Variants in NNMT observed in about 807,000 individuals in gnomAD.
NNMT encodes nicotinamide N-methyltransferase.
A neutral mutation model predicts 11.7 loss-of-function variants in NNMT; 10 were observed. That is an observed-to-expected ratio of 0.85 (90% confidence interval 0.53 to 1.45). The LOEUF (loss-of-function observed/expected upper bound fraction) is 1.45, where lower values mean the gene tolerates loss of function less well. Among genes scored for constraint, NNMT ranks in the 40% most tolerant of loss-of-function variants. The pLI, the probability that NNMT is intolerant of heterozygous loss-of-function variation, is 0.00. For missense variants in NNMT, 381 were observed against 319.4 expected (o/e 1.19, Z -1.47); for synonymous variants, 143 against 133.8 (o/e 1.07, Z -0.48).
upstream of NNMT, among the ~76,000 whole-genome samples, chr11:114,294,783 G>A (rs1452897139): frequency 6.6e-6 from 1 of 151,774 alleles, no homozygotes; most frequent in Non-Finnish European, 1.5e-5. Flanking sequence ...AAAAAAAAGA[G>A]AGGGAGAAAA....
intron 2 of NNMT, among the ~76,000 whole-genome samples, chr11:114,310,015 T>C (rs969986298): frequency 6.6e-6 from 1 of 152,256 alleles, no homozygotes; most frequent in South Asian, 2.1e-4. Context: ...ACATTTTATT[T>C]ACCTATTCAG....
At chr11:114,305,952 T>C (rs1945488343) in intron 2 of NNMT, among the ~76,000 whole-genome samples, 1 of 152,190 alleles carries the variant, frequency 6.6e-6, no homozygotes, top group Non-Finnish European at 1.5e-5. Flanking sequence ...TGAACTAGTT[T>C]ACAGTCCCAC....
At chr11:114,303,130 C>T (rs1945454994) in intron 2 of NNMT, among the ~76,000 whole-genome samples, 1 of 152,166 alleles carries the variant, frequency 6.6e-6, no homozygotes, top group South Asian at 2.1e-4. Flanking sequence ...TATCTTTCTT[C>T]TCTAGTGTTT....
At chr11:114,281,130 C>G (rs993413571) in intron 2 of NNMT, among the ~76,000 whole-genome samples, 11 of 152,184 alleles carry the variant, frequency 7.2e-5, no homozygotes, top group Non-Finnish European at 1.5e-4. Flanking sequence ...TAGCTGGCCT[C>G]TGGAGGAGAA....
intron 2 of NNMT, among the ~76,000 whole-genome samples, chr11:114,288,872 G>T (rs948299435): frequency 3.9e-5 from 6 of 152,154 alleles, no homozygotes; most frequent in Admixed American, 3.3e-4. Context: ...ATGCTCATGG[G>T]TGATTTTTAG....
Position 114,312,417 on chromosome 11 carries a change from C to T in NNMT, c.735C>T (p.Thr245=). The T allele has an allele frequency of 1.2e-6, 2 of 1,614,236 alleles. No individual in the cohort carries two copies. Among genetic ancestry groups the T allele is most frequent in the South Asian group, 2.2e-5 (2 of 91,084 alleles). Residue 245 remains threonine, a synonymous_variant, in exon 3 of 3, where the codon ACC becomes ACT. Transcript: ENST00000299964. The part of the protein sequence containing the change: ...FEVISQSYSS[T]MANNEGLFSL... ...TGATCTCGCAAAGTTATTCTTCCAC[C>T]ATGGCCAACAACGAAGGACTTTTCT...
rs772467691 is a variant in NNMT, at chr11:114,298,066, C to A, written c.270C>A (p.Asn90Lys). The change falls in exon 2 of 3, where the codon AAC becomes AAA. Residue 90 changes from asparagine (N) to lysine (K), a missense_variant. Asn to Lys is a moderately conservative substitution (Grantham distance 94). Coordinates refer to ENST00000299964, the MANE Select transcript of NNMT (RefSeq NM_006169.3). Reference sequence around the variant, plus strand: ...TCGTCACTGACTACTCAGACCAGAACCTGCAGGAGCTGGAGAAGTGGCTGA... The same window carrying A: ...TCGTCACTGACTACTCAGACCAGAAACTGCAGGAGCTGGAGAAGTGGCTGA... ...EIVVTDYSDQ[N>K]LQELEKWLKK... The A allele has an allele frequency of 4.3e-6, 7 of 1,613,996 alleles. No homozygotes were observed. The highest frequency in any genetic ancestry group is 1.1e-5 in the South Asian group (1 of 91,086).
At chr11:114,270,146 T>A (rs1036528898) in intron 2 of NNMT, among the ~76,000 whole-genome samples, 3 of 152,236 alleles carry the variant, frequency 2.0e-5, no homozygotes, top group Admixed American at 2.0e-4. Flanking sequence ...CTTTTGAGAA[T>A]TTAAACAATT....
At chr11:114,299,513 ATGATGC>A (rs1227815607) in intron 2 of NNMT, among the ~76,000 whole-genome samples, 1 of 152,220 alleles carries the variant, frequency 6.6e-6, no homozygotes, top group African/African-American at 2.4e-5. Context: ...TGATATCAGC[ATGATGC>A]TGGCTGGAGT....
At chr11:114,269,425 G>A (rs887565184) in intron 2 of NNMT, 7 of 152,242 alleles carry the variant, frequency 4.6e-5, no homozygotes, top group African/African-American at 1.7e-4. Context: ...TAATAATTCT[G>A]TATTTCCCTA....
At chr11:114,265,245 C>T (rs1945111076) in intron 2 of NNMT, among the ~76,000 whole-genome samples, 2 of 152,202 alleles carry the variant, frequency 1.3e-5, no homozygotes, top group African/African-American at 4.8e-5. Context: ...CGCCAAGAGA[C>T]AGGGACGAAG....
chr11:114,300,436 A>T (rs760315990), intron 2 of NNMT, among the ~76,000 whole-genome samples: 7 of 152,182 alleles, frequency 4.6e-5, no homozygotes, highest in Non-Finnish European at 8.8e-5. Context: ...GTGGCTCTGC[A>T]TATGGTCTAT....
In NNMT at chr11:114,297,998, A is replaced by G. The variant is rs983073053; in HGVS notation, c.202A>G (p.Ile68Val). 3 of 1,613,614 alleles carry G rather than the reference A, an allele frequency of 1.9e-6. No individual in the cohort carries two copies. The highest frequency in any genetic ancestry group is 1.7e-6 in the Non-Finnish European group (2 of 1,180,036). ...GATTGACATCGGCTCTGGCCCCACT[A>G]TCTATCAGCTCCTCTCTGCTTGTGA... The part of the protein sequence containing the change: ...LLIDIGSGPT[I>V]YQLLSACESF... Residue 68 changes from isoleucine to valine, a missense_variant, in exon 2 of 3, where the codon ATC (isoleucine) becomes GTC (valine). Coordinates refer to ENST00000299964, the MANE Select transcript of NNMT (RefSeq NM_006169.3).
At chr11:114,260,113 G>A (rs1331046505) in intron 1 of NNMT, among the ~76,000 whole-genome samples, 1 of 152,208 alleles carries the variant, frequency 6.6e-6, no homozygotes, top group African/African-American at 2.4e-5. Context: ...GCTATTCACA[G>A]CACACTCAGA....
intron 2 of NNMT, among the ~76,000 whole-genome samples, chr11:114,289,912 T>A (rs965548467): frequency 7.2e-5 from 11 of 152,174 alleles, no homozygotes; most frequent in African/African-American, 9.7e-5. Context: ...AGTACAAGAT[T>A]GAGGCACCAG....
intron 1 of NNMT, chr11:114,297,450 G>GTAAA (rs1945392902): frequency 6.8e-6 from 1 of 147,658 alleles, no homozygotes; most frequent in Non-Finnish European, 1.5e-5. Context: ...TCACTATGAT[G>GTAAA]TAAATTACAG....
upstream of NNMT, among the ~76,000 whole-genome samples, chr11:114,294,206 G>C (rs1450755696): frequency 6.6e-6 from 1 of 152,174 alleles, no homozygotes; most frequent in African/African-American, 2.4e-5. Flanking sequence ...TTAGAGGCCA[G>C]GCGCAGTGGC....
rs1488210702 is a variant in NNMT at position 114,312,178 on chromosome 11, C to G, written c.496C>G (p.Leu166Val). ...TGACTGCGTGCTCAGCACACTGTGT[C>G]TGGATGCCGCCTGCCCAGACCTCCC... The part of the protein sequence containing the change: ...PADCVLSTLC[L>V]DAACPDLPTY... Residue 166 changes from leucine (L) to valine (V), a missense_variant, in exon 3 of 3, where the codon CTG (leucine) becomes GTG (valine). By Grantham distance (32) the Leu-to-Val change is conservative (BLOSUM62 1). Transcript: ENST00000299964. The G allele has an allele frequency of 1.2e-6, 2 of 1,614,244 alleles. No homozygotes were observed. The highest frequency in any genetic ancestry group is 3.3e-5 in the Admixed American group (2 of 60,034).
intron 1 of NNMT, among the ~76,000 whole-genome samples, chr11:114,261,416 T>A (rs571729078): frequency 6.6e-6 from 1 of 152,282 alleles, no homozygotes; most frequent in Non-Finnish European, 1.5e-5. Flanking sequence ...ACCCCATCTC[T>A]ACTAAAAATA....
Sources: allele counts gnomAD v4.1 joint callset (sites outside exome capture counted in the v4.1 genomes callset), GRCh38; gene constraint gnomAD v4.1.1; transcripts MANE v1.5; gene names NCBI Gene and HGNC (gene_info 2026-07-23, HGNC 2026-07-21).